RHAG: variants seen among roughly 807,000 people sequenced by gnomAD.
RHAG encodes the protein Rh associated glycoprotein.
RHAG carries 25 observed loss-of-function variants against 42.4 expected under a neutral mutation model. The observed-to-expected ratio is 0.59, with a 90% CI of 0.43 to 0.82. RHAG has a LOEUF of 0.82. Ranked by LOEUF, RHAG falls within the 40% of genes least tolerant of loss-of-function variation. RHAG has a pLI of 0.00. For synonymous variants in RHAG, 182 were observed against 177.7 expected (o/e 1.02, Z -0.19); for missense variants, 483 against 504.6 (o/e 0.96, Z 0.41).
In RHAG at chr6:49,612,732, G is replaced by A. The variant is rs186476154; in HGVS notation, c.808-198C>T. ...GTTGACATTTGGTATCTTTCTTGCC[G>A]GTCCCTTGGTAGTGAATGAGTAATC... On this transcript the variant is annotated intron_variant, in intron 5 of 9. Transcript: ENST00000371175. 2.2e-3 allele frequency among the ~76,000 whole-genome samples: 340 copies of A among 152,284 alleles called. 3 individuals are homozygous for A. The highest frequency in any genetic ancestry group is 7.8e-3 in the African/African-American group (323 of 41,574).
chr6:49,611,113 A>G lies in RHAG; in HGVS notation c.978T>C (p.Asp326=), dbSNP rs767774904. The G allele has an allele frequency of 2.4e-5, 38 of 1,613,610 alleles. 1 individual carries two copies. Among genetic ancestry groups the G allele is most frequent in the Non-Finnish European group, 2.0e-5 (24 of 1,179,752 alleles). ...PLFTTKLRIH[D]TCGVHNLHGL... ...CGTGGAGGTTATGGACCCCACATGT[A>G]TCATGGATCCTCAGTTTAGTAGTAA... Residue 326 remains aspartate (D), a synonymous_variant, in exon 7 of 10, where the codon GAT becomes GAC. Transcript: ENST00000371175.
At chr6:49,608,730 A>G (rs533949650) in intron 7 of RHAG, among the ~76,000 whole-genome samples, 1 of 152,136 alleles carries the variant, frequency 6.6e-6, no homozygotes, top group South Asian at 2.1e-4. Context: ...TTATATTCCA[A>G]TTTTTTACTT....
intron 1 of RHAG, 44 bp from the exon 2 acceptor site, chr6:49,619,406 G>A: frequency 6.4e-7 from 1 of 1,551,970 alleles, no homozygotes; most frequent in Non-Finnish European, 8.8e-7. Flanking sequence ...ATGAGAGCAT[G>A]AAGAAAGTAC....
intron 6 of RHAG, among the ~76,000 whole-genome samples, chr6:49,611,747 T>C (rs1762572554): frequency 6.6e-6 from 1 of 151,706 alleles, no homozygotes; most frequent in South Asian, 2.1e-4. Context: ...TCTCTTTTTT[T>C]TTTTTTTCTT....
At position 49,605,907 on chromosome 6, in the gene RHAG, T is replaced by A. The variant is rs548841746; in HGVS notation, c.1213-77A>T. 36 of 1,178,852 alleles carry A rather than the reference T, an allele frequency of 3.1e-5. No individual in the cohort carries two copies. In the African/African-American group the frequency reaches 5.1e-4, roughly 17 times the overall value. 73.0% of individuals were successfully genotyped at this position (1,178,852 alleles called of 1,614,324 possible). A position where few individuals can be genotyped will look rare whatever the true frequency, so the allele number is the denominator to read the frequency against. On this transcript the variant is annotated intron_variant, in intron 9 of 9. Coordinates refer to ENST00000371175, the MANE Select transcript of RHAG (RefSeq NM_000324.3). ...TCAGAAATTAGTATTGAAACAAAAA[T>A]ATTTTTGGTAATTATTATTCAAGCT...
In RHAG at chr6:49,616,465, C is replaced by CA. The variant is rs373658472; in HGVS notation, c.493-695dup. ...AATTGTAACTCAAGACTTGAAACTTCAAAAAACCAGAGTTTTTACCCATAT... is the reference window on the plus strand; with the variant it reads ...AATTGTAACTCAAGACTTGAAACTTCAAAAAAACCAGAGTTTTTACCCATAT... On this transcript the variant is annotated intron_variant, in intron 3 of 9. Transcript: ENST00000371175. Among the ~76,000 whole-genome samples the CA allele has an allele frequency of 1.1e-3, 159 of 151,188 alleles. 2 individuals carry two copies. The highest frequency in any genetic ancestry group is 3.5e-3 in the Middle Eastern group (1 of 284).
chr6:49,618,320 G>T, intron 2 of RHAG, 102 bp from the exon 3 acceptor site: 1 of 1,244,366 alleles, frequency 8.0e-7, no homozygotes, highest in African/African-American at 1.5e-5. Context: ...TGCTTCCCAG[G>T]CTTACTCATC....
intron 1 of RHAG, among the ~76,000 whole-genome samples, chr6:49,634,004 A>G (rs1762970562): frequency 6.6e-6 from 1 of 152,048 alleles, no homozygotes. Flanking sequence ...GATACGTAAT[A>G]TGTATACACA....
At chr6:49,633,684 T>C (rs894801514) in intron 1 of RHAG, among the ~76,000 whole-genome samples, 5 of 152,148 alleles carry the variant, frequency 3.3e-5, no homozygotes, top group African/African-American at 1.2e-4. Flanking sequence ...TGTGGCATTC[T>C]AGGTGCATAG....
At chr6:49,611,188 T>G in intron 6 of RHAG, 43 bp from the exon 7 acceptor site, 1 of 1,524,882 alleles carries the variant, frequency 6.6e-7, no homozygotes, top group African/African-American at 1.4e-5. Flanking sequence ...TAGTTAAACA[T>G]ATAGAACTCT....
rs1018255984 is a variant in RHAG, at chr6:49,605,915, G to T, written c.1213-85C>A. The T allele has an allele frequency of 4.5e-6, 5 of 1,117,866 alleles. No individual in the cohort carries two copies. In the Admixed American group the frequency reaches 8.5e-5, roughly 19 times the overall value. 69.2% of individuals were successfully genotyped at this position (1,117,866 alleles called of 1,614,324 possible). On this transcript the variant is annotated intron_variant, in intron 9 of 9. Coordinates refer to ENST00000371175, the MANE Select transcript of RHAG (RefSeq NM_000324.3). ...TAGTATTGAAACAAAAATATTTTTG[G>T]TAATTATTATTCAAGCTTGGAAAGA...
intron 7 of RHAG, 149 bp from the exon 8 acceptor site, chr6:49,607,369 T>C: frequency 1.1e-5 from 8 of 714,216 alleles, no homozygotes; most frequent in South Asian, 1.1e-4. Flanking sequence ...AATTTTTCTT[T>C]CATATTCTTA....
At chr6:49,607,338 A>T in intron 7 of RHAG, 118 bp from the exon 8 acceptor site, 2 of 751,100 alleles carry the variant, frequency 2.7e-6, no homozygotes, top group Admixed American at 4.1e-5. Flanking sequence ...ATTACACAGC[A>T]GCAAATTAAG....
At chr6:49,621,830 C>A (rs77669931) in intron 1 of RHAG, among the ~76,000 whole-genome samples, 30,244 of 151,936 alleles carry the variant, frequency 0.2, 3,559 homozygotes, top group Admixed American at 0.33. Context: ...AGTGTCTTAG[C>A]TCTACAATTT....
At position 49,607,204 on chromosome 6, in the gene RHAG, C is replaced by T. The variant is rs532320445; in HGVS notation, c.1084G>A (p.Ala362Thr). 6.2e-7 allele frequency: 1 copy of T among 1,613,558 alleles called. No homozygotes were observed. The highest frequency in any genetic ancestry group is 1.1e-5 in the South Asian group (1 of 90,970). The change falls in exon 8 of 10, where the codon GCA becomes ACA. Residue 362 changes from alanine (A) to threonine (T), a missense_variant. Transcript: ENST00000371175. ...GASNTSMAMQ[A>T]AALGSSIGTA... Reference sequence around the variant, plus strand: ...CCGATAGAGGAACCCAGTGCAGCTGCCTGCATGGCCATAGACCTAAGGAAG... The same window carrying T: ...CCGATAGAGGAACCCAGTGCAGCTGTCTGCATGGCCATAGACCTAAGGAAG...
At chr6:49,621,112 G>C (rs145673257) in intron 1 of RHAG, among the ~76,000 whole-genome samples, 1 of 152,228 alleles carries the variant, frequency 6.6e-6, no homozygotes, top group East Asian at 1.9e-4. Context: ...CTTCTGTTCT[G>C]CCATCAGGCT....
intron 1 of RHAG, among the ~76,000 whole-genome samples, chr6:49,622,716 C>G (rs1313166043): frequency 6.6e-6 from 1 of 151,990 alleles, no homozygotes; most frequent in East Asian, 1.9e-4. Context: ...AGTGTGAAAA[C>G]GAACTAATAC....
intron 1 of RHAG, 120 bp downstream of exon 1, chr6:49,636,536 C>T: frequency 9.7e-7 from 1 of 1,029,290 alleles, no homozygotes; most frequent in Non-Finnish European, 1.5e-6. Flanking sequence ...ATATCCTTAG[C>T]ACTCATAACC....
At chr6:49,612,349 A>T (rs369986125) in intron 6 of RHAG, 48 bp downstream of exon 6, 4 of 1,605,782 alleles carry the variant, frequency 2.5e-6, no homozygotes, top group Non-Finnish European at 3.4e-6. Context: ...ACATGTGAGA[A>T]AAAAGGTGCA....
Sources: allele counts gnomAD v4.1 joint callset (sites outside exome capture counted in the v4.1 genomes callset), GRCh38; gene constraint gnomAD v4.1.1; transcripts MANE v1.5; gene names NCBI Gene and HGNC (gene_info 2026-07-23, HGNC 2026-07-21).